The following GAK variants were observed in gnomAD, a reference collection of about 807,000 sequenced individuals.
GAK encodes the protein cyclin-G-associated kinase.
In GAK, 79 loss-of-function variants were observed where a neutral mutation model predicts 143.9. The ratio of observed to expected loss-of-function variants is 0.55; its 90% CI spans 0.46 to 0.66. GAK has a LOEUF of 0.66. GAK is among the 30% of genes least tolerant of loss of function. The pLI is 0.00. For missense variants in GAK, 1,693 were observed against 1,779.7 expected (o/e 0.95, Z 0.88); for synonymous variants, 881 against 765.5 (o/e 1.15, Z -2.49).
At chr4:884,001 C>A in intron 12 of GAK, 36 bp downstream of exon 12, 1 of 1,598,950 alleles carries the variant, frequency 6.3e-7, no homozygotes, top group South Asian at 1.1e-5. Flanking sequence ...AGGGAAGGGC[C>A]GGGGCGCGTC....
intron 11 of GAK, chr4:886,838 G>C (rs1716433900): frequency 6.6e-6 from 1 of 152,296 alleles, no homozygotes; most frequent in Non-Finnish European, 1.5e-5. Flanking sequence ...ACTCAGGCAG[G>C]AGGCGTCACA....
intron 25 of GAK, chr4:851,424 C>G (rs527712992): frequency 2.0e-6 from 1 of 500,832 alleles, no homozygotes; most frequent in Non-Finnish European, 3.6e-6. Context: ...CAGAGACACA[C>G]AGGCCCAATT....
intron 5 of GAK, 65 bp from the exon 6 acceptor site, chr4:898,223 CGAACGGGTGTGA>C: frequency 6.3e-7 from 1 of 1,589,128 alleles, no homozygotes; most frequent in Non-Finnish European, 8.6e-7. Context: ...TCAGGGAAAA[CGAACGGGTGTGA>C]GACACAGCCA....
At chr4:903,708 TG>T (rs59346217) in intron 5 of GAK, among the ~76,000 whole-genome samples, 13,773 of 63,666 alleles carry the variant, frequency 0.22, 853 homozygotes, top group African/African-American at 0.35. Context: ...CGGGGGGCGG[TG>T]GGGGGGCGGC....
intron 1 of GAK, among the ~76,000 whole-genome samples, chr4:929,687 TAA>T (rs33930196): frequency 5.5e-5 from 8 of 145,310 alleles, no homozygotes; most frequent in African/African-American, 7.6e-5. Flanking sequence ...TCTCTTAAAT[TAA>T]AAAAAAAAAA....
At chr4:849,833 G>GGCCCCCCCCCCCCC (rs1309272961) in intron 27 of GAK, 59 bp from the exon 28 acceptor site, 25 of 1,190,106 alleles carry the variant, frequency 2.1e-5, no homozygotes, top group Non-Finnish European at 2.6e-5. Context: ...GGCGGGGCAG[G>GGCCCCCCCCCCCCC]ACCCCCCCCC....
chr4:870,977 A>G (rs1324332864), intron 18 of GAK, 73 bp from the exon 19 acceptor site: 49 of 1,335,396 alleles, frequency 3.7e-5, no homozygotes, highest in Non-Finnish European at 4.7e-5. Context: ...TTCACTAAAG[A>G]AACGTGCATG....
At chr4:904,396 T>A (rs540387639) in intron 5 of GAK, among the ~76,000 whole-genome samples, 3 of 149,872 alleles carry the variant, frequency 2.0e-5, no homozygotes, top group African/African-American at 7.4e-5. Context: ...AGGGAGCCAC[T>A]ACCTTGAGGT....
intron 4 of GAK, among the ~76,000 whole-genome samples, chr4:906,461 C>A (rs923717543): frequency 6.6e-6 from 1 of 152,180 alleles, no homozygotes; most frequent in African/African-American, 2.4e-5. Context: ...GGGGCCGGGG[C>A]AGCACGCAGG....
chr4:880,555 A>G (rs2152806707), intron 15 of GAK, among the ~76,000 whole-genome samples: 1 of 152,238 alleles, frequency 6.6e-6, no homozygotes, highest in East Asian at 1.9e-4. Flanking sequence ...CCAGAGGGCA[A>G]GGACCCTTCC....
At position 893,403 on chromosome 4, in the gene GAK, C is replaced by T. The variant is rs757695744; in HGVS notation, c.964G>A (p.Val322Met). ...QLQEIAAARN[V>M]NPKSPITELL... ...TCTGTGATGGGAGACTTGGGGTTCA[C>T]GTTGCGGGCGGCCGCGATCTCCTGC... The change falls in exon 9 of 28, where the codon GTG becomes ATG. Residue 322 changes from valine (V) to methionine (M), a missense_variant. By Grantham distance (21) the Val-to-Met change is conservative (BLOSUM62 1). Coordinates refer to ENST00000314167, the MANE Select transcript of GAK (RefSeq NM_005255.4). 2.5e-6 allele frequency: 4 copies of T among 1,587,442 alleles called. No individual in the cohort carries two copies. In the Admixed American group the frequency reaches 5.3e-5, roughly 21 times the overall value.
chr4:888,595 G>C, intron 11 of GAK: 1 of 498,108 alleles, frequency 2.0e-6, no homozygotes, highest in East Asian at 3.7e-5. Flanking sequence ...CAGCAAGGGA[G>C]GGGAGGGCCC....
At chr4:888,762 T>C in intron 11 of GAK, 85 bp downstream of exon 11, 2 of 1,502,510 alleles carry the variant, frequency 1.3e-6, no homozygotes. Flanking sequence ...GACCAGCTGT[T>C]CCACCGCAGC....
At chr4:882,567 G>T (rs919552652) in intron 14 of GAK, 130 bp downstream of exon 14, 1 of 1,192,050 alleles carries the variant, frequency 8.4e-7, no homozygotes, top group Admixed American at 2.0e-5. Flanking sequence ...CCAAGCACAG[G>T]GACTTTCTTC....
chr4:929,337 G>A lies in GAK; in HGVS notation c.145+2706C>T, dbSNP rs151252123. Reference sequence around the variant, plus strand: ...GCGGGTTACGCTTAAACCATACGACGGCTGTGCGGCATCGTTTTCTTTTCT... The same window carrying A: ...GCGGGTTACGCTTAAACCATACGACAGCTGTGCGGCATCGTTTTCTTTTCT... On this transcript the variant is annotated intron_variant, in intron 1 of 27. Coordinates refer to ENST00000314167, the MANE Select transcript of GAK (RefSeq NM_005255.4). Among the ~76,000 whole-genome samples, 95 of 152,284 alleles carry A rather than the reference G, an allele frequency of 6.2e-4. 1 individual carries two copies. The highest frequency in any genetic ancestry group is 2.2e-3 in the African/African-American group (92 of 41,548).
At chr4:860,225 ACGGCCCCAGC>A (rs1434714525) in intron 23 of GAK, among the ~76,000 whole-genome samples, 127 of 142,680 alleles carry the variant, frequency 8.9e-4, no homozygotes, top group African/African-American at 2.7e-3. Context: ...CCAGGGGTTG[ACGGCCCCAGC>A]TACCCAGGGG....
chr4:903,471 C>G (rs1222294875), intron 5 of GAK, among the ~76,000 whole-genome samples: 1 of 152,168 alleles, frequency 6.6e-6, no homozygotes, highest in Non-Finnish European at 1.5e-5. Flanking sequence ...CAGGCTTCCT[C>G]CCAGCTCCAA....
chr4:919,334 A>C (rs540650134), intron 1 of GAK, among the ~76,000 whole-genome samples: 2 of 148,560 alleles, frequency 1.3e-5, no homozygotes, highest in East Asian at 4.1e-4. Flanking sequence ...CCATGACCTT[A>C]GCAGGACAGA....
intron 9 of GAK, among the ~76,000 whole-genome samples, chr4:891,510 G>T (rs994066307): frequency 3.3e-5 from 5 of 152,150 alleles, no homozygotes; most frequent in African/African-American, 9.7e-5. Context: ...CATGGACTGT[G>T]TTTTCTGGGG....
Sources: gnomAD v4.1 joint callset for allele counts (sites outside exome capture counted in the v4.1 genomes callset) on GRCh38, gnomAD v4.1.1 for gene constraint, MANE v1.5 for transcripts, NCBI Gene and HGNC (gene_info 2026-07-23, HGNC 2026-07-21) for gene names.